Variants in MMP1 observed in about 807,000 individuals in gnomAD.
MMP1 encodes the protein matrix metallopeptidase 1, also known as interstitial collagenase.
A neutral mutation model predicts 49.6 loss-of-function variants in MMP1; 51 were observed. That is an observed-to-expected ratio of 1.03 (90% CI 0.82 to 1.30). The LOEUF is 1.30. Among genes scored for constraint, MMP1 ranks in the 50% most tolerant of loss-of-function variants. The pLI is 0.00. For synonymous variants in MMP1, 230 were observed against 196.8 expected (o/e 1.17, Z -1.41); for missense variants, 623 against 568.7 (o/e 1.10, Z -0.97).
Position 102,791,341 on chromosome 11 carries a change from T to C in MMP1, c.1188A>G (p.Lys396=), listed in dbSNP as rs766495403. 1 of 1,613,916 alleles carries C rather than the reference T, an allele frequency of 6.2e-7. No individual in the cohort carries two copies. The highest frequency in any genetic ancestry group is 8.5e-7 in the Non-Finnish European group (1 of 1,179,794). Residue 396 remains lysine, a synonymous_variant, in exon 8 of 10, where the codon AAA becomes AAG. Transcript: ENST00000315274. ...TGKTYFFVAN[K]YWRYDEYKRS... is the part of the protein sequence containing the mutation. ...TCTGCACTTAAACTTACCTCCAGTA[T>C]TTGTTAGCAACAAAGAAGTAGGTTT... is the stretch of plus-strand genomic sequence containing the variant.
chr11:102,797,030 T>C lies in MMP1; in HGVS notation c.483A>G (p.Ile161Met), dbSNP rs770408005. ...KVSEGQADIM[I>M]SFVRGDHRDN... ...AGAACTTACCTCCCCTGACAAAAGA[T>C]ATCATGATGTCTGCTTGACCCTCAG... The change falls in exon 3 of 10, where the codon ATA becomes ATG. Residue 161 changes from isoleucine (I) to methionine (M), a missense_variant. Physicochemically the swap from Ile to Met is conservative, Grantham distance 10. Coordinates refer to ENST00000315274, the MANE Select transcript of MMP1 (RefSeq NM_002421.4). 2.5e-6 allele frequency: 4 copies of C among 1,613,652 alleles called. No homozygotes were observed. The East Asian group carries it at 6.7e-5, about 27-fold the overall frequency.
In MMP1 at chr11:102,791,401, A is replaced by G. The variant is rs776741750; in HGVS notation, c.1128T>C (p.His376=). ...SSFGFPRTVK[H]IDAALSEENT... ...TTTCCTCAGAAAGAGCAGCATCGATATGCTTCACAGTTCTAGGGAAGCCAA... is the reference window on the plus strand; with the variant it reads ...TTTCCTCAGAAAGAGCAGCATCGATGTGCTTCACAGTTCTAGGGAAGCCAA... Residue 376 remains histidine, a synonymous_variant, in exon 8 of 10, where the codon CAT becomes CAC. Coordinates refer to ENST00000315274, the MANE Select transcript of MMP1 (RefSeq NM_002421.4). 3.7e-6 allele frequency: 6 copies of G among 1,614,068 alleles called. No homozygotes were observed. Among genetic ancestry groups the G allele is most frequent in the Admixed American group, 3.3e-5 (2 of 60,020 alleles).
chr11:102,792,492 CTG>C, intron 7 of MMP1, 111 bp downstream of exon 7: 2 of 1,078,010 alleles, frequency 1.9e-6, no homozygotes, highest in East Asian at 4.9e-5. Context: ...GTTGGTGAGA[CTG>C]AGATTTTCAA....
At chr11:102,790,571 G>A (rs1361227436) in intron 9 of MMP1, 50 bp from the exon 10 acceptor site, 1 of 1,392,124 alleles carries the variant, frequency 7.2e-7, no homozygotes, top group Admixed American at 1.9e-5. Context: ...TAGTTTCTAG[G>A]TTTAACTTGA....
chr11:102,796,539 A>G, intron 4 of MMP1, 125 bp downstream of exon 4: 3 of 1,163,716 alleles, frequency 2.6e-6, no homozygotes, highest in Middle Eastern at 2.2e-4. Flanking sequence ...TGTATCACTA[A>G]TTTTCTGAGT....
At position 102,796,695 on chromosome 11, in the gene MMP1, A is replaced by G. The variant is rs773218223; in HGVS notation, c.594T>C (p.Asp198=). ...AATTGTTGGTCCACCTTTCATCTTC[A>G]TCAAAATGAGCATCCCCTCCAATAC... ...GPGIGGDAHF[D]EDERWTNNFR... is the part of the protein sequence containing the mutation. The change falls in exon 4 of 10, where the codon GAT becomes GAC. Residue 198 remains aspartate (D), a synonymous_variant. Coordinates refer to ENST00000315274, the MANE Select transcript of MMP1 (RefSeq NM_002421.4). 2.5e-6 allele frequency: 4 copies of G among 1,614,032 alleles called. No individual in the cohort carries two copies. The Admixed American group carries it at 6.7e-5, about 27-fold the overall frequency.
chr11:102,791,843 T>A (rs944221790), intron 7 of MMP1, among the ~76,000 whole-genome samples: 5 of 152,238 alleles, frequency 3.3e-5, no homozygotes, highest in Non-Finnish European at 5.9e-5. Context: ...GCTCATGGAC[T>A]GTGGAAGTTC....
chr11:102,792,985 A>C (rs1002422733), intron 6 of MMP1, among the ~76,000 whole-genome samples: 2 of 152,250 alleles, frequency 1.3e-5, no homozygotes, highest in Non-Finnish European at 2.9e-5. Flanking sequence ...AATAGGCATA[A>C]GTAACTTTAA....
At position 102,797,283 on chromosome 11, in the gene MMP1, C is replaced by G. The variant is rs201865180; in HGVS notation, c.323G>C (p.Arg108Pro). 1 of 1,614,174 alleles carries G rather than the reference C, an allele frequency of 6.2e-7. No homozygotes were observed. The highest frequency in any genetic ancestry group is 1.3e-5 in the African/African-American group (1 of 75,056). The change falls in exon 2 of 10, where the codon CGC (arginine) becomes CCC (proline). Residue 108 changes from arginine (R) to proline (P), a missense_variant. By Grantham distance (103) the Arg-to-Pro change is moderately radical. Coordinates refer to ENST00000315274, the MANE Select transcript of MMP1 (RefSeq NM_002421.4). ...GTAGGTCAGATGTGTTTGCTCCCAGCGAGGGTTCCCCTCAGTGAGGACAAA... is the reference window on the plus strand; with the variant it reads ...GTAGGTCAGATGTGTTTGCTCCCAGGGAGGGTTCCCCTCAGTGAGGACAAA... ...AQFVLTEGNP[R>P]WEQTHLTYRI...
chr11:102,790,206 C>T lies in MMP1; in HGVS notation c.*206G>A. 2 of 383,516 alleles carry T rather than the reference C, an allele frequency of 5.2e-6. No homozygotes were observed. The highest frequency in any genetic ancestry group is 9.3e-6 in the Non-Finnish European group (2 of 214,752). 23.8% of individuals were successfully genotyped at this position (383,516 alleles called of 1,614,324 possible). Reference sequence around the variant, plus strand: ...AAGCCACAAACTTGACTTTTTGTACCCACCATTTGTGGAACTAAATTATAT... The same window carrying T: ...AAGCCACAAACTTGACTTTTTGTACTCACCATTTGTGGAACTAAATTATAT... On this transcript the variant is annotated 3_prime_UTR_variant, in exon 10 of 10. Transcript: ENST00000315274.
chr11:102,797,159 A>G lies in MMP1; in HGVS notation c.354T>C (p.Ile118=), dbSNP rs775008278. The G allele has an allele frequency of 6.2e-7, 1 of 1,613,872 alleles. No homozygotes were observed. Among genetic ancestry groups the G allele is most frequent in the Non-Finnish European group, 8.5e-7 (1 of 1,179,942 alleles). Residue 118 remains isoleucine (I), a synonymous_variant, in exon 3 of 10, where the codon ATT becomes ATC. Coordinates refer to ENST00000315274, the MANE Select transcript of MMP1 (RefSeq NM_002421.4). The part of the protein sequence containing the change: ...RWEQTHLTYR[I]ENYTPDLPRA... Reference sequence around the variant, plus strand: ...TTGGCAAATCTGGCGTGTAATTTTCAATCCTTAGAATGAAACAAAATAGAG... The same window carrying G: ...TTGGCAAATCTGGCGTGTAATTTTCGATCCTTAGAATGAAACAAAATAGAG...
In MMP1 at chr11:102,798,048, C is replaced by T. The variant is rs763336386; in HGVS notation, c.45G>A (p.Val15=). The T allele has an allele frequency of 1.4e-5, 23 of 1,613,248 alleles. No individual in the cohort carries two copies. The South Asian group carries it at 2.3e-4, about 16-fold the overall frequency. The change falls in exon 1 of 10, where the codon GTG becomes GTA. Residue 15 remains valine, a synonymous_variant. Coordinates refer to ENST00000315274, the MANE Select transcript of MMP1 (RefSeq NM_002421.4). ...PPLLLLLFWG[V]VSHSFPATLE... is the part of the protein sequence containing the mutation. ...GAGTCGCTGGGAAGCTGTGAGACAC[C>T]ACACCCCAGAACAGCAGCAGCAGCA...
chr11:102,791,293 A>T, intron 8 of MMP1, 40 bp downstream of exon 8: 1 of 1,609,966 alleles, frequency 6.2e-7, no homozygotes. Context: ...TTTTATGTAG[A>T]AAGAACTGAG....
In MMP1 at chr11:102,797,037, A is replaced by T; in HGVS notation, c.476T>A (p.Ile159Asn). 1 of 1,614,000 alleles carries T rather than the reference A, an allele frequency of 6.2e-7. No individual in the cohort carries two copies. Among genetic ancestry groups the T allele is most frequent in the Non-Finnish European group, 8.5e-7 (1 of 1,179,954 alleles). Residue 159 changes from isoleucine to asparagine, a missense_variant, in exon 3 of 10, where the codon ATC becomes AAC. Transcript: ENST00000315274. ...ACCTCCCCTGACAAAAGATATCATG[A>T]TGTCTGCTTGACCCTCAGAGACCTT... ...FTKVSEGQADIMISFVRGDHR... is the reference protein window; with the variant it reads ...FTKVSEGQADNMISFVRGDHR...
rs1858235215 is a variant in MMP1 at position 102,797,558 on chromosome 11, A to C, written c.106-58T>G. ...GGAAATCTTTCTCATTATTCTAAAA[A>C]TTGATGGCATTAAGTTTTAGCCAAA... On this transcript the variant is annotated intron_variant, in intron 1 of 9. Coordinates refer to ENST00000315274, the MANE Select transcript of MMP1 (RefSeq NM_002421.4). 1.9e-6 allele frequency: 3 copies of C among 1,593,478 alleles called. 1 individual carries two copies. In the South Asian group the frequency reaches 3.4e-5, roughly 18 times the overall value.
intron 4 of MMP1, among the ~76,000 whole-genome samples, 160 bp from the exon 5 acceptor site, chr11:102,795,767 A>C (rs1259754659): frequency 6.6e-6 from 1 of 152,222 alleles, no homozygotes; most frequent in African/African-American, 2.4e-5. Context: ...GGCAGAAGGC[A>C]TGCATTTATT....
chr11:102,795,565 G>T lies in MMP1; in HGVS notation c.668C>A (p.Ser223Tyr). The T allele has an allele frequency of 6.2e-7, 1 of 1,613,916 alleles. No homozygotes were observed. Among genetic ancestry groups the T allele is most frequent in the Non-Finnish European group, 8.5e-7 (1 of 1,179,960 alleles). The change falls in exon 5 of 10, where the codon TCT becomes TAT. Residue 223 changes from serine (S) to tyrosine (Y), a missense_variant. By Grantham distance (144) the Ser-to-Tyr change is moderately radical (BLOSUM62 -2). Transcript: ENST00000315274. Reference protein sequence around the residue: ...HRVAAHELGHSLGLSHSTDIG... With the variant: ...HRVAAHELGHYLGLSHSTDIG... ...ATCAGTAGAATGGGAGAGTCCAAGA[G>T]AATGGCCGAGTTCATGAGCTGCAAC... is the stretch of plus-strand genomic sequence containing the variant.
chr11:102,792,529 G>GTAACCT, intron 7 of MMP1, 76 bp downstream of exon 7: 1 of 1,426,560 alleles, frequency 7.0e-7, no homozygotes, highest in Non-Finnish European at 9.7e-7. Flanking sequence ...AATGTAGCTA[G>GTAACCT]TAACCTTATA....
intron 9 of MMP1, 45 bp from the exon 10 acceptor site, chr11:102,790,566 T>C: frequency 7.2e-7 from 1 of 1,397,928 alleles, no homozygotes; most frequent in Non-Finnish European, 1.0e-6. Context: ...ACAAGTAGTT[T>C]CTAGGTTTAA....
Sources: gnomAD v4.1 joint callset for allele counts (sites outside exome capture counted in the v4.1 genomes callset) on GRCh38, gnomAD v4.1.1 for gene constraint, MANE v1.5 for transcripts, NCBI Gene and HGNC (gene_info 2026-07-23, HGNC 2026-07-21) for gene names.